Variants in CCNJL observed in about 807,000 individuals in gnomAD.
CCNJL encodes the protein cyclin-J-like protein.
CCNJL carries 33 observed loss-of-function variants against 33.4 expected under a neutral mutation model. The observed-to-expected ratio is 0.99, with a 90% CI of 0.75 to 1.32. The LOEUF is 1.32. Among genes scored for constraint, CCNJL ranks in the 40% most tolerant of loss-of-function variants. CCNJL has a pLI of 0.00. For missense variants in CCNJL, 512 were observed against 499.7 expected, an observed-to-expected ratio of 1.02 and a Z score of -0.23; for synonymous variants, 227 against 220.9, an observed-to-expected ratio of 1.03 and a Z score of -0.24.
chr5:160,310,093 CA>C (rs1763214821), intron 2 of CCNJL, among the ~76,000 whole-genome samples: 1 of 152,266 alleles, frequency 6.6e-6, no homozygotes, highest in African/African-American at 2.4e-5. Flanking sequence ...TAGAAAGGGG[CA>C]AATCAGGTAG....
intron 2 of CCNJL, among the ~76,000 whole-genome samples, chr5:160,310,753 AACAG>A (rs1400040527): frequency 2.6e-5 from 4 of 152,302 alleles, no homozygotes; most frequent in East Asian, 1.9e-4. Flanking sequence ...AAGAAGAGAA[AACAG>A]ACAGACAGAT....
chr5:160,293,984 C>A (rs1301157730), intron 2 of CCNJL, among the ~76,000 whole-genome samples: 1 of 152,114 alleles, frequency 6.6e-6, no homozygotes, highest in Non-Finnish European at 1.5e-5. Context: ...CCAACAAGAG[C>A]CCGGGAATCC....
At chr5:160,303,485 C>T (rs1051986443) in intron 2 of CCNJL, among the ~76,000 whole-genome samples, 4 of 149,404 alleles carry the variant, frequency 2.7e-5, no homozygotes, top group East Asian at 2.0e-4. Flanking sequence ...GGATTACAGG[C>T]GTAAGCCACT....
chr5:160,324,158 G>T (rs188208455), intron 1 of CCNJL, among the ~76,000 whole-genome samples: 73 of 152,276 alleles, frequency 4.8e-4, no homozygotes, highest in African/African-American at 1.7e-3. Context: ...TATACAAAGG[G>T]TATGAATAGT....
At chr5:160,322,410 A>C (rs1763481630) in intron 1 of CCNJL, among the ~76,000 whole-genome samples, 1 of 152,202 alleles carries the variant, frequency 6.6e-6, no homozygotes. Context: ...CTTCTTTCCA[A>C]AATGGGGATA....
At chr5:160,314,098 G>A (rs1680014719), upstream of CCNJL, among the ~76,000 whole-genome samples, 1 of 152,202 alleles carries the variant, frequency 6.6e-6, no homozygotes, top group Non-Finnish European at 1.5e-5. Context: ...GCATCTGGGA[G>A]GCGGAGGTTG....
chr5:160,274,701 A>G (rs13165930), intron 3 of CCNJL: 11,853 of 152,394 alleles, frequency 0.078, 574 homozygotes, highest in Non-Finnish European at 0.11. Flanking sequence ...TACAGAAACC[A>G]GAAGTCAGAA....
At chr5:160,254,284 A>G (rs775513174) in intron 5 of CCNJL, 11 of 654,000 alleles carry the variant, frequency 1.7e-5, no homozygotes, top group Non-Finnish European at 2.7e-5. Context: ...TAGCTAGCTG[A>G]TATCAACCAA....
intron 2 of CCNJL, among the ~76,000 whole-genome samples, chr5:160,307,742 G>A (rs1763136281): frequency 1.3e-5 from 2 of 152,148 alleles, no homozygotes; most frequent in African/African-American, 4.8e-5. Context: ...CAGCAGAAAG[G>A]TCAGAGGAGC....
Position 160,252,533 on chromosome 5 carries a change from A to AAGATTGGAAAATG in CCNJL, c.*844_*845insCATTTTCCAATCT, listed in dbSNP as rs1207694850. 7 of 152,606 alleles carry AAGATTGGAAAATG rather than the reference A, an allele frequency of 4.6e-5. No individual in the cohort carries two copies. The East Asian group carries it at 1.2e-3, about 25-fold the overall frequency. 9.5% of individuals were successfully genotyped at this position (152,606 alleles called of 1,614,324 possible). A position where few individuals can be genotyped will look rare whatever the true frequency, so the allele number is the denominator to read the frequency against. On this transcript the variant is annotated 3_prime_UTR_variant, in exon 6 of 6. Transcript: ENST00000257536. ...AGACGTGGAATCTTCCGGAACCGAGAGCTGGGAAAATGGTTCTCTCCAACC... is the reference window on the plus strand; with the variant it reads ...AGACGTGGAATCTTCCGGAACCGAGAAGATTGGAAAATGGCTGGGAAAATGGTTCTCTCCAACC...
intron 2 of CCNJL, among the ~76,000 whole-genome samples, chr5:160,306,767 A>C (rs369687902): frequency 2.0e-5 from 3 of 152,368 alleles, no homozygotes; most frequent in East Asian, 1.9e-4. Flanking sequence ...GCTGCTCAGA[A>C]AATTCAGGAA....
At chr5:160,292,126 T>C (rs778597927) in intron 2 of CCNJL, among the ~76,000 whole-genome samples, 37 of 152,146 alleles carry the variant, frequency 2.4e-4, no homozygotes, top group Non-Finnish European at 4.4e-4. Flanking sequence ...CTGTTGCTAC[T>C]TGGTAGACCG....
chr5:160,325,135 A>G (rs975632961), intron 1 of CCNJL, among the ~76,000 whole-genome samples: 17 of 152,156 alleles, frequency 1.1e-4, no homozygotes, highest in Non-Finnish European at 2.5e-4. Context: ...CTGGCATCCT[A>G]TGATTTTAGT....
chr5:160,323,500 A>T (rs553295877), intron 1 of CCNJL, among the ~76,000 whole-genome samples: 1 of 152,342 alleles, frequency 6.6e-6, no homozygotes, highest in South Asian at 2.1e-4. Context: ...AGCTATTGGC[A>T]ACTCATGCTG....
chr5:160,307,830 G>A (rs543440741), intron 2 of CCNJL, among the ~76,000 whole-genome samples: 2 of 152,312 alleles, frequency 1.3e-5, no homozygotes, highest in African/African-American at 4.8e-5. Context: ...GAATTTAAGG[G>A]CTGAGCATGG....
Position 160,259,730 on chromosome 5 carries a change from G to A in CCNJL, c.322C>T (p.Gln108Ter). The A allele has an allele frequency of 6.2e-7, 1 of 1,613,486 alleles. No homozygotes were observed. Among genetic ancestry groups the A allele is most frequent in the South Asian group, 1.1e-5 (1 of 91,050 alleles). The change falls in exon 4 of 6, where the codon CAA (glutamine) becomes TAA (stop). Residue 108 changes from glutamine (Q) to a stop codon, truncating the protein, a stop_gained. Transcript: ENST00000257536. LOFTEE classifies it high-confidence loss of function. ...CTCAGGATCCTCGTGCTGTTTATTT[G>A]CTCCAACTTGGGGACGTGGTCTTCC... The part of the protein sequence containing the change: ...DREDHVPKLE[Q>*]INSTRILSSQ...
chr5:160,299,257 C>A (rs1050253899), intron 2 of CCNJL, among the ~76,000 whole-genome samples: 2 of 152,094 alleles, frequency 1.3e-5, no homozygotes, highest in African/African-American at 4.8e-5. Flanking sequence ...TTAAGCGATT[C>A]TCCTGCCTCA....
chr5:160,261,010 G>GCATT (rs1299661936), intron 3 of CCNJL: 3 of 152,342 alleles, frequency 2.0e-5, no homozygotes, highest in African/African-American at 7.2e-5. Context: ...AGAGGCATTG[G>GCATT]GGCGGCCCAG....
chr5:160,333,070 A>G (rs1392617554), intron 1 of CCNJL, among the ~76,000 whole-genome samples: 2 of 151,748 alleles, frequency 1.3e-5, no homozygotes, highest in East Asian at 1.9e-4. Context: ...GGATTGCTTG[A>G]GCTCAGGAGT....
Sources: gnomAD v4.1 joint callset for allele counts (sites outside exome capture counted in the v4.1 genomes callset) on GRCh38, gnomAD v4.1.1 for gene constraint, MANE v1.5 for transcripts, NCBI Gene and HGNC (gene_info 2026-07-23, HGNC 2026-07-21) for gene names.